Variants in RSF1 observed in about 807,000 individuals in gnomAD.
The protein encoded by RSF1 is HBV pX-associated protein 8.
RSF1 carries 13 observed loss-of-function variants against 145.2 expected under a neutral mutation model. That is an observed-to-expected ratio of 0.09 (90% CI 0.06 to 0.14). The LOEUF (loss-of-function observed/expected upper bound fraction) is 0.14, where lower values mean the gene tolerates loss of function less well. Ranked by LOEUF, RSF1 falls within the 10% of genes least tolerant of loss-of-function variation. The pLI is 1.00. For synonymous variants in RSF1, 577 were observed against 592.6 expected, an observed-to-expected ratio of 0.97 and a Z score of 0.38; for missense variants, 1,517 against 1,718.2, an observed-to-expected ratio of 0.88 and a Z score of 2.07.
At chr11:77,757,313 T>C (rs1416168095) in intron 2 of RSF1, among the ~76,000 whole-genome samples, 1 of 152,066 alleles carries the variant, frequency 6.6e-6, no homozygotes, top group Non-Finnish European at 1.5e-5. Flanking sequence ...AGGAAGACAG[T>C]GAGCAGGTCT....
chr11:77,687,890 A>T (rs898645071), intron 9 of RSF1, among the ~76,000 whole-genome samples: 6 of 152,196 alleles, frequency 3.9e-5, no homozygotes, highest in Non-Finnish European at 8.8e-5. Context: ...TGTTGTCAAA[A>T]TTTTTTCATC....
chr11:77,813,495 A>C (rs1298436935), intron 1 of RSF1: 11 of 921,140 alleles, frequency 1.2e-5, no homozygotes, highest in African/African-American at 3.2e-5. Flanking sequence ...AGTGATTCTC[A>C]AAGTCTTGGT....
At position 77,761,365 on chromosome 11, in the gene RSF1, T is replaced by G. The variant is rs1412072647; in HGVS notation, c.279+3233A>C. Among the ~76,000 whole-genome samples, 2 of 152,208 alleles carry G rather than the reference T, an allele frequency of 1.3e-5. 1 individual carries two copies. The highest frequency in any genetic ancestry group is 4.1e-4 in the South Asian group (2 of 4,834). On this transcript the variant is annotated intron_variant, in intron 2 of 15. Transcript: ENST00000308488. ...ACATTTCTTTGAAACACTTACTACA[T>G]TCAATGTTACAGTATTTCTTTTTTT...
chr11:77,662,491 C>G lies in RSF1; in HGVS notation c.*4426G>C, dbSNP rs1337977923. ...TATGACTGCTTGCTTGGCAATTACT[C>G]TCTTCAACATATTACAGTTACTTAG... is the stretch of plus-strand genomic sequence containing the variant. On this transcript the variant is annotated 3_prime_UTR_variant, in exon 16 of 16. Coordinates refer to ENST00000308488, the MANE Select transcript of RSF1 (RefSeq NM_016578.4). The G allele has an allele frequency of 6.6e-6, 1 of 152,154 alleles. No individual in the cohort carries two copies. The highest frequency in any genetic ancestry group is 1.9e-4 in the East Asian group (1 of 5,202). 9.4% of individuals were successfully genotyped at this position (152,154 alleles called of 1,614,324 possible). A position where few individuals can be genotyped will look rare whatever the true frequency, so the allele number is the denominator to read the frequency against.
chr11:77,679,746 A>C (rs758099849), intron 11 of RSF1, among the ~76,000 whole-genome samples: 1 of 152,104 alleles, frequency 6.6e-6, no homozygotes, highest in African/African-American at 2.4e-5. Context: ...AAATTATATT[A>C]TAACTGAAAT....
At chr11:77,671,617 T>TAAA (rs1309817399) in intron 15 of RSF1, among the ~76,000 whole-genome samples, 2 of 147,474 alleles carry the variant, frequency 1.4e-5, no homozygotes, top group African/African-American at 5.0e-5. Flanking sequence ...ATCTCAAAGA[T>TAAA]ACTACTGGTT....
chr11:77,728,718 T>C (rs1218497574), intron 4 of RSF1, among the ~76,000 whole-genome samples: 2 of 151,916 alleles, frequency 1.3e-5, no homozygotes, highest in East Asian at 1.9e-4. Context: ...ATGTTGAGAA[T>C]AGACAAATTA....
chr11:77,687,167 G>A (rs1018232420), intron 9 of RSF1, among the ~76,000 whole-genome samples: 1 of 152,120 alleles, frequency 6.6e-6, no homozygotes, highest in Non-Finnish European at 1.5e-5. Flanking sequence ...ATACATGTGT[G>A]TGTATACATG....
chr11:77,756,054 C>G (rs1157750721), intron 2 of RSF1, among the ~76,000 whole-genome samples: 1 of 151,998 alleles, frequency 6.6e-6, no homozygotes, highest in Non-Finnish European at 1.5e-5. Context: ...GGTAACATAA[C>G]ACATCCTAAA....
chr11:77,723,646 G>T (rs1960988390), intron 5 of RSF1, among the ~76,000 whole-genome samples: 1 of 152,174 alleles, frequency 6.6e-6, no homozygotes, highest in African/African-American at 2.4e-5. Flanking sequence ...TAATACATAG[G>T]AACATTATTA....
At chr11:77,727,739 C>T (rs1370723121) in intron 4 of RSF1, among the ~76,000 whole-genome samples, 1 of 152,076 alleles carries the variant, frequency 6.6e-6, no homozygotes, top group Non-Finnish European at 1.5e-5. Flanking sequence ...CTTGGCCTCC[C>T]AAACTGTTGG....
chr11:77,680,481 T>C (rs1331864379), intron 11 of RSF1, among the ~76,000 whole-genome samples: 1 of 151,612 alleles, frequency 6.6e-6, no homozygotes, highest in Non-Finnish European at 1.5e-5. Context: ...TGGAAGTGGC[T>C]GTATACACCC....
intron 1 of RSF1, among the ~76,000 whole-genome samples, chr11:77,815,772 ACTGTAGCTACAT>A (rs1262184486): frequency 1.3e-5 from 2 of 152,166 alleles, no homozygotes; most frequent in Non-Finnish European, 2.9e-5. Context: ...CACAATATTT[ACTGTAGCTACAT>A]CTGTACATAG....
chr11:77,743,442 G>A (rs920583586), intron 3 of RSF1, among the ~76,000 whole-genome samples: 8 of 151,900 alleles, frequency 5.3e-5, no homozygotes, highest in African/African-American at 1.9e-4. Flanking sequence ...TTACCTCTTT[G>A]GTCAAATTTA....
intron 4 of RSF1, among the ~76,000 whole-genome samples, chr11:77,733,168 A>C (rs1961250621): frequency 6.6e-6 from 1 of 152,198 alleles, no homozygotes; most frequent in Non-Finnish European, 1.5e-5. Flanking sequence ...AAGTGGTTGT[A>C]TCATTTTACA....
chr11:77,702,780 A>G (rs551977575), intron 5 of RSF1: 110 of 233,396 alleles, frequency 4.7e-4, no homozygotes, highest in African/African-American at 2.4e-3. Flanking sequence ...TGCAGTTCAA[A>G]TAATTTATTC....
At chr11:77,695,813 T>C (rs1017255617) in intron 7 of RSF1, among the ~76,000 whole-genome samples, 1 of 152,216 alleles carries the variant, frequency 6.6e-6, no homozygotes, top group Non-Finnish European at 1.5e-5. Flanking sequence ...TGTATGGATA[T>C]GTATACACAT....
chr11:77,747,185 G>T (rs538694816), intron 2 of RSF1, 57 bp from the exon 3 acceptor site: 22 of 1,081,706 alleles, frequency 2.0e-5, no homozygotes, highest in Non-Finnish European at 3.0e-5. Context: ...TATGTTTGCA[G>T]GCTTGTACAA....
At chr11:77,839,316 G>A in the RSF1 span, among the ~76,000 whole-genome samples, 1 of 151,848 alleles carries the variant, frequency 6.6e-6, no homozygotes, top group Non-Finnish European at 1.5e-5. Context: ...TTTTTTGTTT[G>A]TTTGTTTTTG....
Sources: gnomAD v4.1 joint callset for allele counts (sites outside exome capture counted in the v4.1 genomes callset) on GRCh38, gnomAD v4.1.1 for gene constraint, MANE v1.5 for transcripts, NCBI Gene and HGNC (gene_info 2026-07-23, HGNC 2026-07-21) for gene names.